The following SEL1L variants were observed in gnomAD, a reference collection of about 807,000 sequenced individuals.
SEL1L encodes the protein protein sel-1 homolog 1.
In SEL1L, 52 loss-of-function variants were observed where a neutral mutation model predicts 109.8. That is an observed-to-expected ratio of 0.47 (90% CI 0.38 to 0.60). SEL1L has a LOEUF of 0.60. Among genes scored for constraint, SEL1L ranks in the 20% least tolerant of loss-of-function variants. The pLI is 0.00. For missense variants in SEL1L, 749 were observed against 962.2 expected, an observed-to-expected ratio of 0.78 and a Z score of 2.93; for synonymous variants, 373 against 339.6, an observed-to-expected ratio of 1.10 and a Z score of -1.08.
chr14:81,529,483 A>G (rs1885243800), intron 1 of SEL1L, among the ~76,000 whole-genome samples: 2 of 152,228 alleles, frequency 1.3e-5, no homozygotes, highest in Admixed American at 1.3e-4. Context: ...AACAGGTTAC[A>G]TAGGTAGCTA....
chr14:81,480,299 C>T (rs1222970014), intron 19 of SEL1L, among the ~76,000 whole-genome samples: 1 of 152,152 alleles, frequency 6.6e-6, no homozygotes, highest in East Asian at 1.9e-4. Context: ...ACGCCATTCT[C>T]CTGCCTCAGC....
At chr14:81,503,754 T>C (rs192202493) in intron 5 of SEL1L, among the ~76,000 whole-genome samples, 19 of 152,308 alleles carry the variant, frequency 1.2e-4, no homozygotes, top group African/African-American at 4.1e-4. Flanking sequence ...TTGCAGACTA[T>C]AAAAATGTCA....
At position 81,506,217 on chromosome 14, in the gene SEL1L, G is replaced by C; in HGVS notation, c.365C>G (p.Ala122Gly). ...AGGGAAGTGGCAGGGCTCCCCATGT[G>C]CTGTGCCTTCAATGGCGGTCAAAGC... is the stretch of plus-strand genomic sequence containing the variant. ...KPALTAIEGTAHGEPCHFPFL... is the reference protein window; with the variant it reads ...KPALTAIEGTGHGEPCHFPFL... The change falls in exon 4 of 21, where the codon GCA (alanine) becomes GGA (glycine). Residue 122 changes from alanine (A) to glycine (G), a missense_variant. Physicochemically the swap from Ala to Gly is moderately conservative, Grantham distance 60. Around this residue, in one of 2 missense-constraint regions of SEL1L, gnomAD observed 366 missense variants for 399.8 expected, o/e 0.92. Transcript: ENST00000336735. 1 of 1,606,934 alleles carries C rather than the reference G, an allele frequency of 6.2e-7. No homozygotes were observed. Among genetic ancestry groups the C allele is most frequent in the Non-Finnish European group, 8.5e-7 (1 of 1,177,404 alleles).
At chr14:81,503,366 C>T (rs944363436) in intron 5 of SEL1L, among the ~76,000 whole-genome samples, 5 of 151,572 alleles carry the variant, frequency 3.3e-5, no homozygotes, top group Admixed American at 2.0e-4. Context: ...GAGACAAGGT[C>T]TTCCTCTGTT....
At chr14:81,478,710 C>T (rs1235290578) in intron 20 of SEL1L, among the ~76,000 whole-genome samples, 5 of 152,220 alleles carry the variant, frequency 3.3e-5, no homozygotes, top group Non-Finnish European at 7.3e-5. Flanking sequence ...GACCAGTGCT[C>T]TGGAACCCTA....
chr14:81,513,875 G>A (rs545859497), intron 3 of SEL1L, among the ~76,000 whole-genome samples: 68 of 152,254 alleles, frequency 4.5e-4, no homozygotes, highest in African/African-American at 1.6e-3. Flanking sequence ...CCGGGGTCCC[G>A]ACAAGTTTGT....
intron 12 of SEL1L, among the ~76,000 whole-genome samples, chr14:81,491,237 T>C (rs1312441139): frequency 6.6e-6 from 1 of 152,176 alleles, no homozygotes; most frequent in African/African-American, 2.4e-5. Flanking sequence ...GGGTCTTAAG[T>C]TCAGGAAACG....
At chr14:81,507,305 A>G (rs1408116982) in intron 3 of SEL1L, among the ~76,000 whole-genome samples, 1 of 152,198 alleles carries the variant, frequency 6.6e-6, no homozygotes, top group East Asian at 1.9e-4. Context: ...TGACCAGTTT[A>G]AAGGTTGTTA....
At position 81,498,430 on chromosome 14, in the gene SEL1L, C is replaced by T. The variant is rs754709685; in HGVS notation, c.956G>A (p.Arg319His). 9.9e-6 allele frequency: 16 copies of T among 1,613,428 alleles called. No homozygotes were observed. The highest frequency in any genetic ancestry group is 4.0e-5 in the African/African-American group (3 of 74,850). ...ATAGATACCATGATTGGCAACAAGA[C>T]GATAGTGAGTCAGGGCAGATTCACA... ...QSCESALTHY[R>H]LVANHVASDI... is the part of the protein sequence containing the mutation. The change falls in exon 9 of 21, where the codon CGT becomes CAT. Residue 319 changes from arginine (R) to histidine (H), a missense_variant. Physicochemically the swap from Arg to His is conservative, Grantham distance 29. Transcript: ENST00000336735.
intron 3 of SEL1L, among the ~76,000 whole-genome samples, chr14:81,507,163 A>T (rs973967413): frequency 6.6e-6 from 1 of 152,232 alleles, no homozygotes; most frequent in Non-Finnish European, 1.5e-5. Flanking sequence ...GGAAGACCTT[A>T]CATGTCTTAA....
At chr14:81,480,954 C>T (rs909938528) in intron 19 of SEL1L, among the ~76,000 whole-genome samples, 18 of 151,964 alleles carry the variant, frequency 1.2e-4, no homozygotes, top group Non-Finnish European at 2.2e-4. Flanking sequence ...GGGCTACCAC[C>T]GGAAGAGATC....
chr14:81,505,290 A>C (rs1177363063), intron 4 of SEL1L, among the ~76,000 whole-genome samples: 2 of 152,232 alleles, frequency 1.3e-5, no homozygotes, highest in African/African-American at 4.8e-5. Flanking sequence ...AAAATCATAG[A>C]ACTGTTATAG....
chr14:81,484,025 A>G (rs1595503731), intron 19 of SEL1L, among the ~76,000 whole-genome samples, 200 bp downstream of exon 19: 1 of 152,216 alleles, frequency 6.6e-6, no homozygotes, highest in African/African-American at 2.4e-5. Flanking sequence ...CCCTAAATAA[A>G]ACAGCGTGGA....
intron 3 of SEL1L, among the ~76,000 whole-genome samples, chr14:81,523,854 G>A (rs1885014660): frequency 6.6e-6 from 1 of 152,066 alleles, no homozygotes; most frequent in Non-Finnish European, 1.5e-5. Context: ...GGTGTCAGAA[G>A]TGTTAACTCA....
At chr14:81,515,033 GACCTCTTAGCTTACCTCC>G (rs1254197181) in intron 3 of SEL1L, among the ~76,000 whole-genome samples, 21 of 152,234 alleles carry the variant, frequency 1.4e-4, no homozygotes, top group Admixed American at 6.5e-5. Context: ...CCCACAGGAG[GACCTCTTAGCTTACCTCC>G]ATATCCTAGC....
chr14:81,520,392 T>C (rs1036667046), intron 3 of SEL1L, among the ~76,000 whole-genome samples: 4 of 152,238 alleles, frequency 2.6e-5, no homozygotes, highest in Admixed American at 2.0e-4. Flanking sequence ...AAAGGAATCT[T>C]GGGCTGCATT....
intron 5 of SEL1L, among the ~76,000 whole-genome samples, chr14:81,503,362 A>G (rs11848548): frequency 0.078 from 11,811 of 151,868 alleles, 1,445 homozygotes; most frequent in African/African-American, 0.26. Context: ...TTTTGAGACA[A>G]GGTCTTCCTC....
intron 12 of SEL1L, among the ~76,000 whole-genome samples, chr14:81,491,247 G>A (rs1212309785): frequency 4.6e-5 from 7 of 152,222 alleles, no homozygotes; most frequent in Admixed American, 2.0e-4. Context: ...TTCAGGAAAC[G>A]AAGTAACTAA....
intron 11 of SEL1L, 137 bp from the exon 12 acceptor site, chr14:81,492,685 C>T: frequency 1.7e-6 from 1 of 579,126 alleles, no homozygotes; most frequent in Non-Finnish European, 3.1e-6. Context: ...TACCCAGTTG[C>T]CAATATTTTG....
Sources: gnomAD v4.1 joint callset for allele counts (sites outside exome capture counted in the v4.1 genomes callset) on GRCh38, gnomAD v4.1.1 for gene constraint, gnomAD v4.1.1 regional missense constraint, MANE v1.5 for transcripts, NCBI Gene and HGNC (gene_info 2026-07-23, HGNC 2026-07-21) for gene names.